Variants in KDM2B observed in about 807,000 individuals in gnomAD.
KDM2B encodes the protein lysine demethylase 2B.
A neutral mutation model predicts 150.0 loss-of-function variants in KDM2B; 26 were observed. The observed-to-expected ratio is 0.17, with a 90% CI of 0.13 to 0.24. KDM2B has a LOEUF of 0.24. KDM2B is among the 10% of genes least tolerant of loss of function. The pLI is 1.00. For missense variants in KDM2B, 1,265 were observed against 1,816.9 expected, an observed-to-expected ratio of 0.70 and a Z score of 5.52; for synonymous variants, 734 against 729.5, an observed-to-expected ratio of 1.01 and a Z score of -0.10.
chr12:121,566,059 A>AAATAT (rs782786148), intron 4 of KDM2B, among the ~76,000 whole-genome samples: 1 of 152,186 alleles, frequency 6.6e-6, no homozygotes, highest in Non-Finnish European at 1.5e-5. Flanking sequence ...CTATAGATCA[A>AAATAT]AATATAATCG....
chr12:121,567,303 C>T (rs1209531424), intron 4 of KDM2B, among the ~76,000 whole-genome samples: 1 of 152,202 alleles, frequency 6.6e-6, no homozygotes. Context: ...GTCCTCACCC[C>T]CAGCACCTCA....
chr12:121,543,363 A>T (rs1224479485), intron 6 of KDM2B, among the ~76,000 whole-genome samples: 1 of 152,132 alleles, frequency 6.6e-6, no homozygotes, highest in African/African-American at 2.4e-5. Flanking sequence ...CTCAAAAAAG[A>T]AAAAAGAAAA....
chr12:121,417,632 G>A, the KDM2B span: 77 of 1,614,116 alleles, frequency 4.8e-5, no homozygotes, highest in Middle Eastern at 3.3e-4. The surrounding 1 kb of genome is among the most constrained non-coding windows in gnomAD (Gnocchi z 5.0). Context: ...TAATGCGACT[G>A]AAGGTGAAGG....
intron 11 of KDM2B, among the ~76,000 whole-genome samples, chr12:121,496,448 C>T (rs567754475): frequency 6.6e-6 from 1 of 151,120 alleles, no homozygotes; most frequent in Non-Finnish European, 1.5e-5. Context: ...ATTCACTTCA[C>T]TAGAAATGAC....
intron 22 of KDM2B, among the ~76,000 whole-genome samples, chr12:121,437,249 A>G (rs782169047): frequency 4.3e-4 from 66 of 152,020 alleles, no homozygotes; most frequent in Non-Finnish European, 8.7e-4. Context: ...ATTCTGTTGT[A>G]CCATTTGCAT....
chr12:121,523,042 G>A (rs1326503895), intron 8 of KDM2B, among the ~76,000 whole-genome samples: 1 of 152,250 alleles, frequency 6.6e-6, no homozygotes, highest in African/African-American at 2.4e-5. Context: ...GTGGCTCCTG[G>A]CTGCCGGGTC....
chr12:121,433,156 T>C, intron 22 of KDM2B: 1 of 456,762 alleles, frequency 2.2e-6, no homozygotes, highest in Non-Finnish European at 4.4e-6. Flanking sequence ...TCCTGGCTTG[T>C]GGTTCACATA....
At chr12:121,503,122 C>T (rs1369037553) in intron 11 of KDM2B, among the ~76,000 whole-genome samples, 3 of 151,568 alleles carry the variant, frequency 2.0e-5, no homozygotes, top group African/African-American at 7.3e-5. Flanking sequence ...GGCCTACAGG[C>T]GTGCGCCATC....
At chr12:121,427,314 G>C (rs1361211856), downstream of KDM2B, among the ~76,000 whole-genome samples, 1 of 152,178 alleles carries the variant, frequency 6.6e-6, no homozygotes, top group Non-Finnish European at 1.5e-5. Context: ...GAGACCAGCA[G>C]ATCACCTGAG....
rs1555298658 is a variant in KDM2B, at chr12:121,485,295, C to T, written c.1734+9284G>A. 2.0e-5 allele frequency among the ~76,000 whole-genome samples: 3 copies of T among 152,078 alleles called. No individual in the cohort carries two copies. In the East Asian group the frequency reaches 5.8e-4, roughly 29 times the overall value. ...ACTAAGCCTGGTGGCAAATGGGTGA[C>T]ACCAGTTTGAGGATGTTGAAAATCA... On this transcript the variant is annotated intron_variant, in intron 12 of 22. Coordinates refer to ENST00000377071, the MANE Select transcript of KDM2B (RefSeq NM_032590.5).
intron 10 of KDM2B, among the ~76,000 whole-genome samples, chr12:121,511,945 C>T (rs944232059): frequency 1.3e-5 from 2 of 152,084 alleles, no homozygotes; most frequent in Admixed American, 6.6e-5. Flanking sequence ...GGCAGGAAAA[C>T]GTAAGGAAGA....
chr12:121,493,246 A>T (rs1484119583), intron 12 of KDM2B, among the ~76,000 whole-genome samples: 1 of 151,732 alleles, frequency 6.6e-6, no homozygotes, highest in African/African-American at 2.4e-5. Context: ...ACCCCAAAAA[A>T]ATCAGAAATT....
chr12:121,530,227 CAAAAAAAA>C (rs71453566), intron 8 of KDM2B, among the ~76,000 whole-genome samples: 6 of 65,786 alleles, frequency 9.1e-5, no homozygotes, highest in African/African-American at 2.7e-4. Context: ...GACTCCCTCT[CAAAAAAAA>C]AAAAAAAAAA....
the KDM2B span, among the ~76,000 whole-genome samples, chr12:121,421,371 T>TA: frequency 0.057 from 2,640 of 46,108 alleles, 213 homozygotes; most frequent in African/African-American, 0.084. Context: ...ATCCCATCTC[T>TA]AAAAAAAAAA....
intron 4 of KDM2B, among the ~76,000 whole-genome samples, chr12:121,557,810 T>C (rs1044041325): frequency 2.0e-5 from 3 of 152,220 alleles, no homozygotes; most frequent in Non-Finnish European, 4.4e-5. Flanking sequence ...TGGTACTTTG[T>C]TATGACAGCC....
At chr12:121,482,356 C>T (rs974031211) in intron 12 of KDM2B, among the ~76,000 whole-genome samples, 1 of 151,898 alleles carries the variant, frequency 6.6e-6, no homozygotes, top group Non-Finnish European at 1.5e-5. Flanking sequence ...CAGGCTGGAT[C>T]GCCAGGAGCT....
chr12:121,442,634 C>T lies in KDM2B; in HGVS notation c.2807G>A (p.Arg936His), dbSNP rs1555288779. 1.9e-6 allele frequency: 3 copies of T among 1,604,060 alleles called. No homozygotes were observed. The highest frequency in any genetic ancestry group is 1.7e-6 in the Non-Finnish European group (2 of 1,178,926). The change falls in exon 19 of 23, where the codon CGC becomes CAC. Residue 936 changes from arginine (R) to histidine (H), a missense_variant. Physicochemically the swap from Arg to His is conservative, Grantham distance 29 (BLOSUM62 0). Around this residue, in one of 11 missense-constraint regions of KDM2B, gnomAD observed 418 missense variants for 402.4 expected, o/e 1.04. Coordinates refer to ENST00000377071, the MANE Select transcript of KDM2B (RefSeq NM_032590.5). The surrounding 1 kb of genome is among the most constrained non-coding windows in gnomAD (Gnocchi z 7.7). ...GPEEKKKVKM[R>H]RKRRLPNKEL... ...CTTGTTGGGAAGCCGCCGCTTCCGG[C>T]GCATCTTCACCTTCTTCTTCTCCTC... is the stretch of plus-strand genomic sequence containing the variant.
intron 12 of KDM2B, among the ~76,000 whole-genome samples, chr12:121,458,111 A>G (rs1460362049): frequency 3.3e-5 from 5 of 152,210 alleles, no homozygotes; most frequent in African/African-American, 7.2e-5. Context: ...GGCTGGGCAC[A>G]GTGGCTCACC....
chr12:121,486,605 G>A (rs1020767052), intron 12 of KDM2B, among the ~76,000 whole-genome samples: 1 of 151,882 alleles, frequency 6.6e-6, no homozygotes, highest in Non-Finnish European at 1.5e-5. Context: ...TGGCCAATAC[G>A]GTGAAACCCT....
Sources: gnomAD v4.1 joint callset for allele counts (sites outside exome capture counted in the v4.1 genomes callset) on GRCh38, gnomAD v4.1.1 for gene constraint, gnomAD v4.1.1 regional missense constraint, Gnocchi (gnomAD v3.1) non-coding constraint, MANE v1.5 for transcripts, NCBI Gene and HGNC (gene_info 2026-07-23, HGNC 2026-07-21) for gene names.